The following ADA2 variants were observed in gnomAD, a reference collection of about 807,000 sequenced individuals.
The protein encoded by ADA2 is adenosine deaminase CECR1.
Under a neutral mutation model 44.2 loss-of-function variants are expected in ADA2, and 29 were observed. The observed-to-expected ratio is 0.66, with a 90% CI of 0.49 to 0.89. The LOEUF is 0.89. Ranked by LOEUF, ADA2 falls within the 40% of genes least tolerant of loss-of-function variation. The pLI is 0.00. For missense variants in ADA2, 637 were observed against 644.8 expected, an observed-to-expected ratio of 0.99 and a Z score of 0.13; for synonymous variants, 215 against 234.9, an observed-to-expected ratio of 0.92 and a Z score of 0.77.
chr22:17,192,744 G>A (rs1316767294), intron 4 of ADA2, among the ~76,000 whole-genome samples: 1 of 151,708 alleles, frequency 6.6e-6, no homozygotes, highest in Admixed American at 6.6e-5. Context: ...CAGGAGAATC[G>A]CTTGAACCCG....
In ADA2 at chr22:17,181,205, G is replaced by T. The variant is rs944074652; in HGVS notation, c.*278C>A. On this transcript the variant is annotated 3_prime_UTR_variant, in exon 10 of 10. Coordinates refer to ENST00000399837, the MANE Select transcript of ADA2 (RefSeq NM_001282225.2). Reference sequence around the variant, plus strand: ...AGAGAGCCCAGGACTGAGTCCTGAGGAAACAGCACAGAGATCAGAGAGAGG... The same window carrying T: ...AGAGAGCCCAGGACTGAGTCCTGAGTAAACAGCACAGAGATCAGAGAGAGG... The T allele has an allele frequency of 2.6e-6, 1 of 381,156 alleles. No individual in the cohort carries two copies. Among genetic ancestry groups the T allele is most frequent in the African/African-American group, 2.1e-5 (1 of 48,454 alleles). The allele number at this position is 381,156 out of a possible 1,614,324, so 23.6% of individuals were successfully genotyped here. A position where few individuals can be genotyped will look rare whatever the true frequency, so the allele number is the denominator to read the frequency against.
At chr22:17,199,038 TG>T (rs1415667375) in intron 4 of ADA2, among the ~76,000 whole-genome samples, 1 of 152,078 alleles carries the variant, frequency 6.6e-6, no homozygotes, top group Non-Finnish European at 1.5e-5. Context: ...CTCTGGCTAA[TG>T]GGGGGCATTA....
At chr22:17,187,585 T>C (rs952699006) in intron 7 of ADA2, among the ~76,000 whole-genome samples, 1 of 151,648 alleles carries the variant, frequency 6.6e-6, no homozygotes, top group Admixed American at 6.6e-5. Context: ...CCACTGTGCC[T>C]GTGCCCAGCC....
Position 17,203,768 on chromosome 22 carries a change from A to G in ADA2, c.548T>C (p.Leu183Pro). 6.2e-7 allele frequency: 1 copy of G among 1,612,924 alleles called. No individual in the cohort carries two copies. Reference sequence around the variant, plus strand: ...CTGGGTCACCAGAGTGAAATTCCTCAGCAAGCTGTCCAAGACACGAAGTGG... The same window carrying G: ...CTGGGTCACCAGAGTGAAATTCCTCGGCAAGCTGTCCAAGACACGAAGTGG... ...QNVTEFDDSLLRNFTLVTQHP... is the reference protein window; with the variant it reads ...QNVTEFDDSLPRNFTLVTQHP... Residue 183 changes from leucine (L) to proline (P), a missense_variant, in exon 4 of 10, where the codon CTG (leucine) becomes CCG (proline). Coordinates refer to ENST00000399837, the MANE Select transcript of ADA2 (RefSeq NM_001282225.2).
At chr22:17,204,638 C>G (rs2062332297) in intron 3 of ADA2, among the ~76,000 whole-genome samples, 1 of 151,708 alleles carries the variant, frequency 6.6e-6, no homozygotes. Context: ...GAAGAAGAGA[C>G]CGCAGGAGTG....
intron 4 of ADA2, among the ~76,000 whole-genome samples, chr22:17,197,409 A>G (rs1365637865): frequency 2.0e-5 from 3 of 151,992 alleles, no homozygotes; most frequent in Admixed American, 2.0e-4. Context: ...CCACAGGTGC[A>G]TACCACCATA....
chr22:17,203,128 T>C (rs1430646372), intron 4 of ADA2, among the ~76,000 whole-genome samples: 1 of 152,194 alleles, frequency 6.6e-6, no homozygotes, highest in Non-Finnish European at 1.5e-5. Flanking sequence ...AGCATGTTAC[T>C]GAAACTGCTC....
chr22:17,220,972 G>A (rs2062518619), upstream of ADA2, among the ~76,000 whole-genome samples: 1 of 151,950 alleles, frequency 6.6e-6, no homozygotes, highest in African/African-American at 2.4e-5. Flanking sequence ...AGGGGTTCGA[G>A]ACCAGCCCCT....
intron 7 of ADA2, among the ~76,000 whole-genome samples, chr22:17,188,104 A>AAACAGGAAGGGAAG (rs2062059895): frequency 3.3e-5 from 1 of 30,344 alleles, no homozygotes; most frequent in African/African-American, 9.6e-5. Context: ...AAGAAGAAGA[A>AAACAGGAAGGGAAG]AAGAAAACAG....
At chr22:17,199,442 C>CCACT in intron 4 of ADA2, 1 of 1,022,722 alleles carries the variant, frequency 9.8e-7, no homozygotes, top group Non-Finnish European at 1.5e-6. Flanking sequence ...CTATCCTCTT[C>CCACT]CCCTCCACCC....
chr22:17,209,381 A>G lies in ADA2; in HGVS notation c.297T>C (p.Phe99=). The G allele has an allele frequency of 6.2e-7, 1 of 1,614,002 alleles. No homozygotes were observed. Among genetic ancestry groups the G allele is most frequent in the Non-Finnish European group, 8.5e-7 (1 of 1,180,006 alleles). Residue 99 remains phenylalanine (F), a synonymous_variant, in exon 2 of 10, where the codon TTT becomes TTC. Coordinates refer to ENST00000399837, the MANE Select transcript of ADA2 (RefSeq NM_001282225.2). ...AKHLIERSQV[F]NILRMMPKGA... ...CTTTTGGCATCATCCTTAGAATATT[A>G]AACACTTGACTTCTCTCAATGAGAT...
chr22:17,203,824 C>T (rs1431757557), intron 3 of ADA2, 51 bp from the exon 4 acceptor site: 4 of 1,274,172 alleles, frequency 3.1e-6, no homozygotes, highest in Non-Finnish European at 4.5e-6. Flanking sequence ...CAGGACACTG[C>T]CCCCGGGCGC....
intron 2 of ADA2, 111 bp from the exon 3 acceptor site, chr22:17,207,401 T>G (rs2062366940): frequency 2.6e-6 from 2 of 757,550 alleles, no homozygotes; most frequent in Non-Finnish European, 4.3e-6. Flanking sequence ...TCTGGGGCTG[T>G]GGGGACAAAG....
intron 7 of ADA2, among the ~76,000 whole-genome samples, chr22:17,187,304 G>A (rs931350829): frequency 6.6e-6 from 1 of 152,022 alleles, no homozygotes; most frequent in Non-Finnish European, 1.5e-5. Context: ...ACAGATGTGA[G>A]CCACTGTACC....
rs186992381 is a variant in ADA2 at position 17,208,388 on chromosome 22, C to T, written c.322+968G>A. On this transcript the variant is annotated intron_variant, in intron 2 of 9. Coordinates refer to ENST00000399837, the MANE Select transcript of ADA2 (RefSeq NM_001282225.2). ...GCAGTGAGCTGAGATCACGCCACCGCACTCCAGCCTGGGCGACAGAACAAG... is the reference window on the plus strand; with the variant it reads ...GCAGTGAGCTGAGATCACGCCACCGTACTCCAGCCTGGGCGACAGAACAAG... 1.2e-3 allele frequency among the ~76,000 whole-genome samples: 171 copies of T among 145,080 alleles called. 1 individual carries two copies. The highest frequency in any genetic ancestry group is 8.3e-3 in the Admixed American group (118 of 14,174).
At chr22:17,207,354 T>C (rs1237828275) in intron 2 of ADA2, 64 bp from the exon 3 acceptor site, 1 of 1,250,850 alleles carries the variant, frequency 8.0e-7, no homozygotes, top group Non-Finnish European at 1.1e-6. Context: ...CTCCAGGGCT[T>C]GGGGACAAAG....
intron 1 of ADA2, 139 bp from the exon 2 acceptor site, chr22:17,209,862 C>A (rs879287286): frequency 1.7e-6 from 1 of 588,070 alleles, no homozygotes; most frequent in African/African-American, 1.9e-5. Flanking sequence ...AAAAGACCTA[C>A]AGGTACAGAC....
intron 3 of ADA2, among the ~76,000 whole-genome samples, chr22:17,204,121 C>CT (rs1027157921): frequency 7.9e-5 from 12 of 151,974 alleles, no homozygotes; most frequent in African/African-American, 2.7e-4. Flanking sequence ...CTCTCTCTCT[C>CT]TTTTTTTCTT....
intron 8 of ADA2, 121 bp from the exon 9 acceptor site, chr22:17,182,143 ATGGGGATGACTT>A: frequency 1.3e-6 from 1 of 749,830 alleles, no homozygotes. Flanking sequence ...TCTCCCCAGT[ATGGGGATGACTT>A]CTGGGCAGAG....
Sources: gnomAD v4.1 joint callset for allele counts (sites outside exome capture counted in the v4.1 genomes callset) on GRCh38, gnomAD v4.1.1 for gene constraint, MANE v1.5 for transcripts, NCBI Gene and HGNC (gene_info 2026-07-23, HGNC 2026-07-21) for gene names.